The following NOL10 variants were observed in gnomAD, a reference collection of about 807,000 sequenced individuals.
The protein encoded by NOL10 is nucleolar protein 10, also known as H_NH0074G24.1.
In NOL10, 58 loss-of-function variants were observed where a neutral mutation model predicts 103.5. The ratio of observed to expected loss-of-function variants is 0.56; its 90% CI spans 0.45 to 0.70. The LOEUF is 0.70. NOL10 is among the 30% of genes least tolerant of loss of function. The pLI is 0.00. For missense variants in NOL10, 763 were observed against 807.3 expected, an observed-to-expected ratio of 0.95 and a Z score of 0.67; for synonymous variants, 287 against 282.5, an observed-to-expected ratio of 1.02 and a Z score of -0.16.
intron 17 of NOL10, among the ~76,000 whole-genome samples, chr2:10,598,298 G>A (rs967143692): frequency 2.0e-5 from 3 of 152,210 alleles, no homozygotes; most frequent in East Asian, 1.9e-4. Context: ...GACAGGACGC[G>A]TGTGTAACTG....
intron 19 of NOL10, among the ~76,000 whole-genome samples, chr2:10,584,855 CCTCGCTA>C (rs1674940926): frequency 6.6e-6 from 1 of 152,050 alleles, no homozygotes; most frequent in African/African-American, 2.4e-5. Flanking sequence ...AGTTTATTCA[CCTCGCTA>C]TGGGTTATTC....
chr2:10,680,258 C>CA (rs902942786), intron 3 of NOL10, among the ~76,000 whole-genome samples: 1 of 147,502 alleles, frequency 6.8e-6, no homozygotes, highest in Non-Finnish European at 1.5e-5. Context: ...GACTGGGTGA[C>CA]AGAGTGAGAC....
intron 20 of NOL10, 56 bp downstream of exon 20, chr2:10,577,580 A>G: frequency 7.9e-7 from 1 of 1,259,660 alleles, no homozygotes; most frequent in Non-Finnish European, 1.1e-6. Context: ...CACAAACACT[A>G]TTGAAAGGCT....
Position 10,681,984 on chromosome 2 carries a change from G to A in NOL10, c.198C>T (p.Tyr66=), listed in dbSNP as rs754971820. 1 of 1,450,956 alleles carries A rather than the reference G, an allele frequency of 6.9e-7. No homozygotes were observed. The highest frequency in any genetic ancestry group is 2.5e-5 in the East Asian group (1 of 39,404). The allele number at this position is 1,450,956 out of a possible 1,614,324, so 89.9% of individuals were successfully genotyped here. A position where few individuals can be genotyped will look rare whatever the true frequency, so the allele number is the denominator to read the frequency against. Residue 66 remains tyrosine (Y), a synonymous_variant, in exon 3 of 21, where the codon TAC becomes TAT. Transcript: ENST00000381685. ...TTIKVSKDGQ[Y]ILATGTYKPR... ...AAAGATGCTTACCAGTTGCTAAAATGTACTGTCCATCTTTTGACACCTTAA... is the reference window on the plus strand; with the variant it reads ...AAAGATGCTTACCAGTTGCTAAAATATACTGTCCATCTTTTGACACCTTAA...
chr2:10,644,341 C>G lies in NOL10; in HGVS notation c.1005G>C (p.Lys335Asn), dbSNP rs148529864. The change falls in exon 13 of 21, where the codon AAG becomes AAC. Residue 335 changes from lysine to asparagine, a missense_variant. Lys to Asn is a moderately conservative substitution (Grantham distance 94, BLOSUM62 0). Coordinates refer to ENST00000381685, the MANE Select transcript of NOL10 (RefSeq NM_024894.4). ...TTACTGGAATGTAATAGATGCCCAT[C>G]TTGGGGGTTTCATTGGCCGTCAGAA... The part of the protein sequence containing the change: ...GMLLTANETP[K>N]MGIYYIPVLG... 3.9e-4 allele frequency: 607 copies of G among 1,539,776 alleles called. No homozygotes were observed. Among genetic ancestry groups the G allele is most frequent in the Non-Finnish European group, 5.0e-4 (573 of 1,143,320 alleles).
chr2:10,676,393 C>A (rs1480985435), intron 3 of NOL10, among the ~76,000 whole-genome samples: 2 of 152,134 alleles, frequency 1.3e-5, no homozygotes, highest in African/African-American at 4.8e-5. Context: ...TGGTCAGCAA[C>A]TGAAAGCAAT....
Position 10,689,737 on chromosome 2 carries a change from C to A in NOL10, c.66+59G>T. The A allele has an allele frequency of 1.3e-6, 2 of 1,502,550 alleles. 1 individual carries two copies. 93.1% of individuals were successfully genotyped at this position (1,502,550 alleles called of 1,614,324 possible). ...CTAGGGCCGAGGAGAGGGGCGGCTG[C>A]CCCACGAGGAGGACGACCCCCAAGA... On this transcript the variant is annotated intron_variant, in intron 1 of 20. Coordinates refer to ENST00000381685, the MANE Select transcript of NOL10 (RefSeq NM_024894.4).
intron 1 of NOL10, among the ~76,000 whole-genome samples, chr2:10,688,672 T>A (rs1682388852): frequency 6.6e-6 from 1 of 152,256 alleles, no homozygotes; most frequent in Non-Finnish European, 1.5e-5. Flanking sequence ...AATTGCCTTA[T>A]TTGCTCACTT....
At chr2:10,684,453 C>A in intron 2 of NOL10, 114 bp downstream of exon 2, 2 of 821,378 alleles carry the variant, frequency 2.4e-6, no homozygotes, top group South Asian at 1.8e-5. Context: ...CATTCATTTT[C>A]CACTACATGT....
intron 8 of NOL10, among the ~76,000 whole-genome samples, chr2:10,663,329 T>C (rs1398273047): frequency 1.4e-5 from 2 of 145,966 alleles, no homozygotes; most frequent in Non-Finnish European, 3.0e-5. Flanking sequence ...ATTATGCCAC[T>C]GCACACCAGT....
intron 13 of NOL10, among the ~76,000 whole-genome samples, chr2:10,610,506 A>G (rs1676509939): frequency 6.6e-6 from 1 of 152,248 alleles, no homozygotes; most frequent in Non-Finnish European, 1.5e-5. Context: ...GACCTTATTA[A>G]TCACATTTCC....
intron 13 of NOL10, among the ~76,000 whole-genome samples, chr2:10,612,999 G>GT (rs1234030976): frequency 3.6e-4 from 45 of 124,196 alleles, no homozygotes; most frequent in African/African-American, 1.5e-3. Context: ...ATAAGACCCT[G>GT]TTAAAAAAAA....
In NOL10 at chr2:10,603,087, G is replaced by A. The variant is rs148355551; in HGVS notation, c.1224C>T (p.Leu408=). ...GTAGTTTTCTGTTTACCTTGTGATA[G>A]AGTCTTATATCCATGAAAAACCCAT... ...YMHGFFMDIR[L]YHKVKLMVNP... Residue 408 remains leucine, a synonymous_variant, in exon 15 of 21, where the codon CTC becomes CTT. Coordinates refer to ENST00000381685, the MANE Select transcript of NOL10 (RefSeq NM_024894.4). 67 of 1,607,284 alleles carry A rather than the reference G, an allele frequency of 4.2e-5. No individual in the cohort carries two copies. In the African/African-American group the frequency reaches 7.5e-4, roughly 18 times the overall value.
chr2:10,680,955 T>C (rs1281844765), intron 3 of NOL10, among the ~76,000 whole-genome samples: 4 of 152,206 alleles, frequency 2.6e-5, no homozygotes, highest in Non-Finnish European at 4.4e-5. Flanking sequence ...ATTAGTACAT[T>C]ATACAGAAAA....
At chr2:10,680,802 C>T (rs1156632385) in intron 3 of NOL10, among the ~76,000 whole-genome samples, 1 of 152,160 alleles carries the variant, frequency 6.6e-6, no homozygotes, top group Non-Finnish European at 1.5e-5. Flanking sequence ...GGACAATATA[C>T]AGGACTTACG....
At chr2:10,579,323 A>G (rs997479219) in intron 19 of NOL10, among the ~76,000 whole-genome samples, 2 of 152,292 alleles carry the variant, frequency 1.3e-5, no homozygotes, top group Middle Eastern at 3.4e-3. Context: ...CATCCCTGAG[A>G]CAGAAGTATT....
chr2:10,626,857 G>A (rs1329631414), intron 13 of NOL10, among the ~76,000 whole-genome samples: 1 of 152,220 alleles, frequency 6.6e-6, no homozygotes, highest in Non-Finnish European at 1.5e-5. Flanking sequence ...TATGTCATAT[G>A]TGTATCAAAT....
At chr2:10,586,024 A>G (rs115740769) in intron 19 of NOL10, among the ~76,000 whole-genome samples, 5,033 of 152,282 alleles carry the variant, frequency 0.033, 288 homozygotes, top group African/African-American at 0.12. Context: ...ACAAAGGGCC[A>G]CACATTATAC....
chr2:10,632,183 A>G, intron 13 of NOL10, among the ~76,000 whole-genome samples: 1 of 152,180 alleles, frequency 6.6e-6, no homozygotes, highest in East Asian at 1.9e-4. Context: ...GGCCTACAGT[A>G]TGACAGGCAC....
Sources: allele counts gnomAD v4.1 joint callset (sites outside exome capture counted in the v4.1 genomes callset), GRCh38; gene constraint gnomAD v4.1.1; transcripts MANE v1.5; gene names NCBI Gene and HGNC (gene_info 2026-07-23, HGNC 2026-07-21).